Variants in UPF1 observed in about 807,000 individuals in gnomAD.
The protein encoded by UPF1 is UPF1 RNA helicase and ATPase.
In UPF1, 9 loss-of-function variants were observed where a neutral mutation model predicts 129.2. The ratio of observed to expected loss-of-function variants is 0.07; its 90% confidence interval spans 0.04 to 0.12. The LOEUF (loss-of-function observed/expected upper bound fraction) is 0.12, where lower values mean the gene tolerates loss of function less well. UPF1 is among the 10% of genes least tolerant of loss of function. The pLI is 1.00. For synonymous variants in UPF1, 649 were observed against 644.9 expected, an observed-to-expected ratio of 1.01 and a Z score of -0.10; for missense variants, 788 against 1,525.3, an observed-to-expected ratio of 0.52 and a Z score of 8.05.
In UPF1 at chr19:18,860,346, C is replaced by T; in HGVS notation, c.2208C>T (p.Asp736=). The part of the protein sequence containing the change: ...TAADRVKKGF[D]FQWPQPDKPM... ...CGGATCGTGTGAAGAAGGGATTTGA[C>T]TTCCAGTGGCCCCAACCCGATAAAC... The change falls in exon 16 of 24, where the codon GAC becomes GAT. Residue 736 remains aspartate (D), a synonymous_variant. Transcript: ENST00000262803. 6.2e-7 allele frequency: 1 copy of T among 1,614,164 alleles called. No individual in the cohort carries two copies. Among genetic ancestry groups the T allele is most frequent in the Non-Finnish European group, 8.5e-7 (1 of 1,180,036 alleles).
chr19:18,838,128 A>G (rs941403842), intron 1 of UPF1, among the ~76,000 whole-genome samples: 2 of 152,228 alleles, frequency 1.3e-5, no homozygotes, highest in Non-Finnish European at 2.9e-5. Flanking sequence ...ATTATGACCA[A>G]GGCGGGGTGA....
intron 19 of UPF1, 21 bp from the exon 20 acceptor site, chr19:18,864,149 C>A: frequency 6.2e-7 from 1 of 1,611,254 alleles, no homozygotes; most frequent in South Asian, 1.1e-5. Flanking sequence ...ACAAATTCCT[C>A]ACCTATCTAA....
chr19:18,854,352 G>T (rs1157510579), intron 8 of UPF1, among the ~76,000 whole-genome samples: 3 of 152,204 alleles, frequency 2.0e-5, no homozygotes, highest in Non-Finnish European at 4.4e-5. Context: ...GCTGGGAGTG[G>T]CAAGGAGGAA....
In UPF1 at chr19:18,863,498, C is replaced by T. The variant is rs2055804565; in HGVS notation, c.2661C>T (p.His887=). 6.2e-7 allele frequency: 1 copy of T among 1,613,942 alleles called. No individual in the cohort carries two copies. The highest frequency in any genetic ancestry group is 2.2e-5 in the East Asian group (1 of 44,884). Residue 887 remains histidine, a synonymous_variant, in exon 19 of 24, where the codon CAC becomes CAT. Transcript: ENST00000262803. ...KALSKQPLWN[H]LLNYYKEQKV... ...TATCAAAGCAGCCGCTCTGGAACCA[C>T]CTGCTGAACTACTATAAGGAGCAGA...
chr19:18,856,296 T>C lies in UPF1; in HGVS notation c.1820T>C (p.Leu607Pro), dbSNP rs780704924. The C allele has an allele frequency of 2.5e-6, 4 of 1,591,330 alleles. No individual in the cohort carries two copies. The change falls in exon 13 of 24, where the codon CTG becomes CCG. Residue 607 changes from leucine to proline, a missense_variant. Coordinates refer to ENST00000262803, the MANE Select transcript of UPF1 (RefSeq NM_002911.4). ...ALKRTAEREL[L>P]MNADVICCTC... ...AAGCGCACCGCAGAGAGAGAGCTGC[T>C]GATGGTGAGTGCCCCTCCTGCCTGC...
Position 18,860,349 on chromosome 19 carries a change from C to T in UPF1, c.2211C>T (p.Phe737=), listed in dbSNP as rs745813505. The T allele has an allele frequency of 1.2e-6, 2 of 1,614,180 alleles. No individual in the cohort carries two copies. Among genetic ancestry groups the T allele is most frequent in the South Asian group, 2.2e-5 (2 of 91,084 alleles). Residue 737 remains phenylalanine (F), a synonymous_variant, in exon 16 of 24, where the codon TTC becomes TTT. Coordinates refer to ENST00000262803, the MANE Select transcript of UPF1 (RefSeq NM_002911.4). ...AADRVKKGFD[F]QWPQPDKPMF... ...ATCGTGTGAAGAAGGGATTTGACTT[C>T]CAGTGGCCCCAACCCGATAAACCGA...
intron 11 of UPF1, chr19:18,855,519 T>C (rs2145958600): frequency 3.7e-6 from 2 of 546,342 alleles, no homozygotes; most frequent in South Asian, 4.2e-5. Context: ...CACTTTATAG[T>C]GTGGCGGGAT....
intron 1 of UPF1, among the ~76,000 whole-genome samples, chr19:18,841,357 G>A (rs1356294165): frequency 6.6e-6 from 1 of 152,206 alleles, no homozygotes; most frequent in African/African-American, 2.4e-5. Flanking sequence ...TTGACCTGCA[G>A]TATGTAGTAT....
chr19:18,856,649 C>A (rs1286377074), intron 13 of UPF1, among the ~76,000 whole-genome samples: 1 of 152,230 alleles, frequency 6.6e-6, no homozygotes, highest in Non-Finnish European at 1.5e-5. Context: ...GCGCAGAGCT[C>A]TTGGTGTGGA....
intron 3 of UPF1, chr19:18,848,038 CTT>C: frequency 2.0e-6 from 1 of 499,746 alleles, no homozygotes; most frequent in African/African-American, 1.9e-5. Context: ...CTCTGTGGCT[CTT>C]TTTATTATGC....
intron 16 of UPF1, 55 bp downstream of exon 16, chr19:18,860,493 T>C: frequency 6.5e-7 from 1 of 1,547,688 alleles, no homozygotes; most frequent in South Asian, 1.1e-5. Context: ...GCTTGAGAGG[T>C]TGTTGACCCA....
intron 8 of UPF1, among the ~76,000 whole-genome samples, chr19:18,854,231 G>GC (rs1392575996): frequency 6.6e-6 from 1 of 152,182 alleles, no homozygotes; most frequent in African/African-American, 2.4e-5. Flanking sequence ...GGCCACATGT[G>GC]CAGGAGCTCC....
In UPF1 at chr19:18,846,088, T is replaced by A; in HGVS notation, c.340T>A (p.Tyr114Asn). The A allele has an allele frequency of 6.2e-7, 1 of 1,614,108 alleles. No individual in the cohort carries two copies. Among genetic ancestry groups the A allele is most frequent in the Non-Finnish European group, 8.5e-7 (1 of 1,180,002 alleles). The change falls in exon 2 of 24, where the codon TAC becomes AAC. Residue 114 changes from tyrosine to asparagine, a missense_variant. Around this residue, in one of 6 missense-constraint regions of UPF1, gnomAD observed 227 missense variants for 517.9 expected, o/e 0.44. Coordinates refer to ENST00000262803, the MANE Select transcript of UPF1 (RefSeq NM_002911.4). ...CGAGGAAGATGAAGAAGACACCTAT[T>A]ACACGAAGGACCTCCCCATACACGC... ...NFEEDEEDTY[Y>N]TKDLPIHACS...
chr19:18,856,037 G>T lies in UPF1; in HGVS notation c.1657G>T (p.Asp553Tyr). ...CTGCGCCAAGAGCCGTGAGGCCATC[G>T]ACTCCCCGGTGTCTTTTCTGGCCCT... is the stretch of plus-strand genomic sequence containing the variant. ...RLCAKSREAI[D>Y]SPVSFLALHN... The change falls in exon 12 of 24, where the codon GAC becomes TAC. Residue 553 changes from aspartate (D) to tyrosine (Y), a missense_variant. By Grantham distance (160) the Asp-to-Tyr change is radical (BLOSUM62 -3). Around this residue, in one of 6 missense-constraint regions of UPF1, gnomAD observed 91 missense variants for 157.2 expected, o/e 0.58. Transcript: ENST00000262803. The T allele has an allele frequency of 1.9e-6, 3 of 1,614,084 alleles. No individual in the cohort carries two copies. Among genetic ancestry groups the T allele is most frequent in the Non-Finnish European group, 2.5e-6 (3 of 1,180,026 alleles).
At chr19:18,863,198 A>C in intron 18 of UPF1, 1 of 479,932 alleles carries the variant, frequency 2.1e-6, no homozygotes, top group Non-Finnish European at 3.7e-6. Context: ...GTATCCACCC[A>C]GCCAGGTGTC....
intron 1 of UPF1, among the ~76,000 whole-genome samples, chr19:18,836,946 G>A (rs2055489834): frequency 6.6e-6 from 1 of 151,404 alleles, no homozygotes; most frequent in African/African-American, 2.4e-5. Context: ...TAGAGGCAGG[G>A]TTTCACCATG....
At chr19:18,855,806 C>G in intron 11 of UPF1, 119 bp from the exon 12 acceptor site, 1 of 1,377,258 alleles carries the variant, frequency 7.3e-7, no homozygotes, top group Non-Finnish European at 9.7e-7. Flanking sequence ...TGAGATCACA[C>G]CACTGCACTC....
chr19:18,863,678 G>C (rs2055807184), intron 19 of UPF1, 66 bp downstream of exon 19: 3 of 1,515,808 alleles, frequency 2.0e-6, no homozygotes, highest in Non-Finnish European at 2.7e-6. Context: ...TGCTGGGAAC[G>C]TGCCAGCTTG....
chr19:18,848,697 C>T (rs868080567), intron 3 of UPF1, among the ~76,000 whole-genome samples: 1 of 151,968 alleles, frequency 6.6e-6, no homozygotes, highest in African/African-American at 2.4e-5. Context: ...AGTCAGATCT[C>T]GTGGCATCTC....
Sources: allele counts gnomAD v4.1 joint callset (sites outside exome capture counted in the v4.1 genomes callset), GRCh38; gene constraint gnomAD v4.1.1; regional missense constraint gnomAD v4.1.1; transcripts MANE v1.5; gene names NCBI Gene and HGNC (gene_info 2026-07-23, HGNC 2026-07-21).